Variants in KPNA4 observed in about 807,000 individuals in gnomAD.
The protein encoded by KPNA4 is importin subunit alpha-3.
Under a neutral mutation model 71.3 loss-of-function variants are expected in KPNA4, and 13 were observed. The ratio of observed to expected loss-of-function variants is 0.18; its 90% CI spans 0.12 to 0.29. KPNA4 has a LOEUF of 0.29. Among genes scored for constraint, KPNA4 ranks in the 10% least tolerant of loss-of-function variants. The pLI, the probability that KPNA4 is intolerant of heterozygous loss-of-function variation, is 1.00. For synonymous variants in KPNA4, 189 were observed against 195.2 expected, an observed-to-expected ratio of 0.97 and a Z score of 0.26; for missense variants, 334 against 603.2, an observed-to-expected ratio of 0.55 and a Z score of 4.67.
intron 13 of KPNA4, among the ~76,000 whole-genome samples, chr3:160,513,249 GTTTTT>G (rs946090860): frequency 2.5e-5 from 2 of 80,626 alleles, no homozygotes; most frequent in African/African-American, 4.6e-5. Flanking sequence ...CTACTTTGTG[GTTTTT>G]TTTTTTTTTT....
At chr3:160,535,640 G>C (rs749841965) in intron 4 of KPNA4, 21 bp downstream of exon 4, 3 of 1,585,668 alleles carry the variant, frequency 1.9e-6, no homozygotes, top group Non-Finnish European at 1.7e-6. Context: ...CAAATGAAGA[G>C]AGGGAAAAAA....
At chr3:160,545,028 A>T (rs1019838075) in intron 1 of KPNA4, among the ~76,000 whole-genome samples, 1 of 152,226 alleles carries the variant, frequency 6.6e-6, no homozygotes, top group Non-Finnish European at 1.5e-5. Flanking sequence ...CTTCAAGAAT[A>T]CCAAAGCTTA....
chr3:160,518,752 T>C (rs900568363), intron 11 of KPNA4, among the ~76,000 whole-genome samples: 4 of 151,784 alleles, frequency 2.6e-5, no homozygotes, highest in African/African-American at 9.7e-5. Context: ...TCTCAGCTGC[T>C]TGGGAGGCTG....
At position 160,508,226 on chromosome 3, in the gene KPNA4, T is replaced by C. The variant is rs1721024956; in HGVS notation, c.1253A>G (p.Asn418Ser). The C allele has an allele frequency of 6.2e-7, 1 of 1,610,534 alleles. No individual in the cohort carries two copies. The highest frequency in any genetic ancestry group is 8.5e-7 in the Non-Finnish European group (1 of 1,178,728). ...IQQNVIPPFC[N>S]LLTVKDAQVV... ...TTGTGCATCTTTTACAGTCAGCAAG[T>C]TGCAAAAAGGTGGGATAACATTTTG... Residue 418 changes from asparagine (N) to serine (S), a missense_variant, in exon 15 of 17, where the codon AAC becomes AGC. Asn to Ser is a conservative substitution (Grantham distance 46). Transcript: ENST00000334256.
chr3:160,509,192 T>A (rs1020251492), intron 14 of KPNA4, among the ~76,000 whole-genome samples: 1 of 152,196 alleles, frequency 6.6e-6, no homozygotes, highest in African/African-American at 2.4e-5. Context: ...GGGTGCCTCT[T>A]TCCTAGGCAT....
At chr3:160,517,951 C>A (rs1311363221) in intron 11 of KPNA4, among the ~76,000 whole-genome samples, 2 of 152,174 alleles carry the variant, frequency 1.3e-5, no homozygotes, top group African/African-American at 4.8e-5. Context: ...CTTTGAAGCA[C>A]ACACAAGTTT....
At chr3:160,524,182 A>C (rs1721416645) in intron 10 of KPNA4, among the ~76,000 whole-genome samples, 1 of 152,228 alleles carries the variant, frequency 6.6e-6, no homozygotes, top group African/African-American at 2.4e-5. Flanking sequence ...TTCAAGATAC[A>C]TCAAAGGCAA....
intron 5 of KPNA4, among the ~76,000 whole-genome samples, chr3:160,534,268 G>A (rs901910293): frequency 1.3e-5 from 2 of 152,064 alleles, no homozygotes; most frequent in African/African-American, 4.8e-5. Context: ...ACTCAACATA[G>A]GGTGTTATTC....
chr3:160,531,937 C>T (rs1048457678), intron 5 of KPNA4, among the ~76,000 whole-genome samples: 9 of 152,072 alleles, frequency 5.9e-5, no homozygotes, highest in African/African-American at 1.2e-4. Flanking sequence ...GGATTACAGG[C>T]GTGCGCCACC....
At chr3:160,550,369 C>T (rs1722015820) in intron 1 of KPNA4, among the ~76,000 whole-genome samples, 1 of 152,212 alleles carries the variant, frequency 6.6e-6, no homozygotes, top group Admixed American at 6.5e-5. Context: ...GCAATCTTCC[C>T]CCCTCAGCCT....
chr3:160,497,664 T>C lies in KPNA4; in HGVS notation c.*4440A>G, dbSNP rs1049183933. On this transcript the variant is annotated 3_prime_UTR_variant, in exon 17 of 17. Transcript: ENST00000334256. Reference sequence around the variant, plus strand: ...TTTTTCCTCCCATAATATTAAATTATTGGCTGACAGTTAATGAATTTTGCC... The same window carrying C: ...TTTTTCCTCCCATAATATTAAATTACTGGCTGACAGTTAATGAATTTTGCC... 2 of 152,188 alleles carry C rather than the reference T, an allele frequency of 1.3e-5. No individual in the cohort carries two copies. The highest frequency in any genetic ancestry group is 4.8e-5 in the African/African-American group (2 of 41,448). 9.4% of individuals were successfully genotyped at this position (152,188 alleles called of 1,614,324 possible). A position where few individuals can be genotyped will look rare whatever the true frequency, so the allele number is the denominator to read the frequency against.
intron 1 of KPNA4, among the ~76,000 whole-genome samples, chr3:160,538,263 G>A (rs564024264): frequency 2.6e-5 from 4 of 151,862 alleles, no homozygotes; most frequent in Non-Finnish European, 5.9e-5. Flanking sequence ...AAAATGTAAT[G>A]TAAGTGCTTC....
At chr3:160,531,356 A>G in intron 6 of KPNA4, 106 bp downstream of exon 6, 1 of 566,970 alleles carries the variant, frequency 1.8e-6, no homozygotes, top group South Asian at 4.6e-5. Context: ...ACTCCATCCC[A>G]TAGCCCTTTT....
At chr3:160,555,562 C>A (rs1722120703) in intron 1 of KPNA4, among the ~76,000 whole-genome samples, 1 of 152,064 alleles carries the variant, frequency 6.6e-6, no homozygotes, top group South Asian at 2.1e-4. Flanking sequence ...TAAAATGGAA[C>A]AATTATAACA....
In KPNA4 at chr3:160,501,936, T is replaced by C. The variant is rs1720890213; in HGVS notation, c.*168A>G. Reference sequence around the variant, plus strand: ...TTTGGGCATTTTCTGTGATTCCAAATGAAATCTTCACATTTTCTTTCCCGA... The same window carrying C: ...TTTGGGCATTTTCTGTGATTCCAAACGAAATCTTCACATTTTCTTTCCCGA... On this transcript the variant is annotated 3_prime_UTR_variant, in exon 17 of 17. Coordinates refer to ENST00000334256, the MANE Select transcript of KPNA4 (RefSeq NM_002268.5). The C allele has an allele frequency of 3.8e-6, 1 of 260,238 alleles. No individual in the cohort carries two copies. The highest frequency in any genetic ancestry group is 2.3e-5 in the African/African-American group (1 of 44,406). The allele number at this position is 260,238 out of a possible 1,614,324, so 16.1% of individuals were successfully genotyped here.
At chr3:160,517,608 A>G (rs2108547170) in intron 11 of KPNA4, among the ~76,000 whole-genome samples, 1 of 152,102 alleles carries the variant, frequency 6.6e-6, no homozygotes, top group East Asian at 1.9e-4. Context: ...CCAGTTTCTC[A>G]CACCCTCACC....
chr3:160,505,702 T>C (rs1720971221), intron 15 of KPNA4, among the ~76,000 whole-genome samples: 1 of 152,226 alleles, frequency 6.6e-6, no homozygotes, highest in African/African-American at 2.4e-5. Context: ...TGAGTGTACT[T>C]CCTCTATCCA....
chr3:160,519,540 A>G (rs549369743), intron 11 of KPNA4, among the ~76,000 whole-genome samples: 41 of 151,328 alleles, frequency 2.7e-4, no homozygotes, highest in African/African-American at 9.5e-4. Context: ...CACGCCTGTA[A>G]TCCCAGCACT....
chr3:160,539,860 ATAC>A (rs984390108), intron 1 of KPNA4, among the ~76,000 whole-genome samples: 2 of 152,186 alleles, frequency 1.3e-5, no homozygotes, highest in African/African-American at 4.8e-5. Context: ...TCATTAGAGC[ATAC>A]TATTAAATAA....
Sources: gnomAD v4.1 joint callset for allele counts (sites outside exome capture counted in the v4.1 genomes callset) on GRCh38, gnomAD v4.1.1 for gene constraint, MANE v1.5 for transcripts, NCBI Gene and HGNC (gene_info 2026-07-23, HGNC 2026-07-21) for gene names.